The following SUV39H1 variants were observed in gnomAD, a reference collection of about 807,000 sequenced individuals.
SUV39H1 encodes the protein SUV39H1 histone lysine methyltransferase.
For synonymous variants in SUV39H1, 141 were observed against 150.5 expected (o/e 0.94, Z 0.46); for missense variants, 180 against 386.3 (o/e 0.47, Z 4.48).
In SUV39H1 at chrX:48,700,094, C is replaced by CAGG. The variant is rs1370297136; in HGVS notation, c.171_173dup (p.Glu58dup). 1 of 1,144,679 alleles carries CAGG rather than the reference C, an allele frequency of 8.7e-7. No individual in the cohort carries two copies. Among genetic ancestry groups the CAGG allele is most frequent in the African/African-American group, 1.8e-5 (1 of 55,350 alleles). 94.3% of individuals were successfully genotyped at this position (1,144,679 alleles called of 1,213,427 possible). ...TCCCCCTACCCACCCCCAACAGGAA[C>CAGG]AGGAATATTACCTGGTGAAATGGCG... is the stretch of plus-strand genomic sequence containing the variant. On this transcript the variant is annotated inframe_insertion, in exon 3 of 6. Coordinates refer to ENST00000376687, the MANE Select transcript of SUV39H1 (RefSeq NM_003173.4).
Position 48,707,674 on chromosome X carries a change from C to T in SUV39H1, c.*104C>T. On this transcript the variant is annotated 3_prime_UTR_variant, in exon 6 of 6. Transcript: ENST00000376687. ...GAATGACTGCCAGGGCCTCGCCTGC[C>T]TCCACCTGCCCCCACCTGCTCCTAC... The T allele has an allele frequency of 9.7e-7, 1 of 1,031,228 alleles. No individual in the cohort carries two copies. The highest frequency in any genetic ancestry group is 1.3e-6 in the Non-Finnish European group (1 of 745,191). 85.0% of individuals were successfully genotyped at this position (1,031,228 alleles called of 1,213,427 possible).
At position 48,700,628 on chromosome X, in the gene SUV39H1, C is replaced by T. The variant is rs1557009303; in HGVS notation, c.703C>T (p.Arg235Cys). 1.6e-6 allele frequency: 2 copies of T among 1,212,413 alleles called. No homozygotes were observed. The highest frequency in any genetic ancestry group is 1.1e-6 in the Non-Finnish European group (1 of 895,648). The change falls in exon 3 of 6, where the codon CGT (arginine) becomes TGT (cysteine). Residue 235 changes from arginine (R) to cysteine (C), a missense_variant. Arg to Cys is a radical substitution (Grantham distance 180). Coordinates refer to ENST00000376687, the MANE Select transcript of SUV39H1 (RefSeq NM_003173.4). ...RCRCGYDCPN[R>C]VVQKGIRYDL... The stretch of plus-strand genomic sequence containing the variant: ...CCGCTGCGGCTATGACTGCCCAAAT[C>T]GTGTGGTACAGAAGGGTATCCGATA...
intron 5 of SUV39H1, 139 bp downstream of exon 5, chrX:48,706,766 G>C (rs1347617280): frequency 2.2e-5 from 17 of 770,082 alleles, no homozygotes; most frequent in Non-Finnish European, 3.1e-5. Flanking sequence ...CTGACTCCCA[G>C]TCCCCCATTC....
rs1416561957 is a variant in SUV39H1 at position 48,700,143 on chromosome X, C to G, written c.218C>G (p.Thr73Ser). 1.7e-6 allele frequency: 2 copies of G among 1,197,560 alleles called. No homozygotes were observed. The highest frequency in any genetic ancestry group is 2.2e-6 in the Non-Finnish European group (2 of 889,062). ...CGTGGATATCCAGACTCAGAGAGCA[C>G]CTGGGAGCCACGGCAGAATCTCAAG... ...KWRGYPDSES[T>S]WEPRQNLKCV... The change falls in exon 3 of 6, where the codon ACC becomes AGC. Residue 73 changes from threonine to serine, a missense_variant. Thr to Ser is a moderately conservative substitution (Grantham distance 58). Transcript: ENST00000376687.
At chrX:48,706,043 C>T (rs781938449) in intron 3 of SUV39H1, among the ~76,000 whole-genome samples, 2 of 113,078 alleles carry the variant, frequency 1.8e-5, no homozygotes, top group African/African-American at 3.2e-5. Flanking sequence ...CTGCACTCAC[C>T]GCCAGGGACT....
Position 48,700,469 on chromosome X carries a change from G to A in SUV39H1, c.544G>A (p.Glu182Lys). The A allele has an allele frequency of 8.3e-7, 1 of 1,212,115 alleles. No individual in the cohort carries two copies. Among genetic ancestry groups the A allele is most frequent in the Non-Finnish European group, 1.1e-6 (1 of 895,562 alleles). Residue 182 changes from glutamate to lysine, a missense_variant, in exon 3 of 6, where the codon GAG becomes AAG. Physicochemically the swap from Glu to Lys is moderately conservative, Grantham distance 56. Coordinates refer to ENST00000376687, the MANE Select transcript of SUV39H1 (RefSeq NM_003173.4). ...CCTCAACCAGGTGGCTGTGGGCTGC[G>A]AGTGCCAGGACTGTCTGTGGGCACC... ...ITLNQVAVGC[E>K]CQDCLWAPTG... is the part of the protein sequence containing the mutation.
intron 5 of SUV39H1, 23 bp from the exon 6 acceptor site, chrX:48,707,414 C>T (rs782610873): frequency 7.3e-5 from 84 of 1,155,092 alleles, no homozygotes; most frequent in Non-Finnish European, 9.6e-5. Flanking sequence ...TCCCTCCTCT[C>T]CTCCCTGGCT....
At position 48,707,448 on chromosome X, in the gene SUV39H1, G is replaced by C; in HGVS notation, c.1117G>C (p.Asp373His). 8.3e-7 allele frequency: 1 copy of C among 1,210,399 alleles called. No homozygotes were observed. Among genetic ancestry groups the C allele is most frequent in the East Asian group, 3.0e-5 (1 of 33,790 alleles). ...CTGTGACTCCACAGTGGACCCCGTG[G>C]ACATGGAGAGCACCCGCATGGACTC... ...FDYNMQVDPV[D>H]MESTRMDSNF... Residue 373 changes from aspartate to histidine, a missense_variant, in exon 6 of 6, where the codon GAC becomes CAC. Coordinates refer to ENST00000376687, the MANE Select transcript of SUV39H1 (RefSeq NM_003173.4).
Position 48,707,545 on chromosome X carries a change from A to G in SUV39H1, c.1214A>G (p.Glu405Gly). 1 of 1,211,541 alleles carries G rather than the reference A, an allele frequency of 8.3e-7. No individual in the cohort carries two copies. The highest frequency in any genetic ancestry group is 2.2e-5 in the Admixed American group (1 of 46,017). The change falls in exon 6 of 6, where the codon GAG becomes GGG. Residue 405 changes from glutamate (E) to glycine (G), a missense_variant. Glu to Gly is a moderately conservative substitution (Grantham distance 98). Coordinates refer to ENST00000376687, the MANE Select transcript of SUV39H1 (RefSeq NM_003173.4). ...CGTATTGAATGCAAGTGTGGGACTG[A>G]GTCCTGCCGCAAATACCTCTTCTAG... is the stretch of plus-strand genomic sequence containing the variant. ...RVRIECKCGTESCRKYLF is the reference protein window; with the variant it reads ...RVRIECKCGTGSCRKYLF
chrX:48,696,533 A>G (rs1602183094), upstream of SUV39H1: 1 of 305,482 alleles, frequency 3.3e-6, no homozygotes, highest in Non-Finnish European at 5.7e-6. Context: ...GCCTCTGGCA[A>G]CTTTAGCTAC....
chrX:48,696,068 G>A (rs2062453546), upstream of SUV39H1, among the ~76,000 whole-genome samples: 1 of 113,316 alleles, frequency 8.8e-6, no homozygotes, highest in Non-Finnish European at 1.9e-5. Flanking sequence ...CCCGCCTGGG[G>A]GCATGGCTGG....
chrX:48,697,078 CGCACGCGCG>C (rs1340480659), intron 1 of SUV39H1, among the ~76,000 whole-genome samples: 4 of 109,726 alleles, frequency 3.6e-5, no homozygotes, highest in East Asian at 5.9e-4. Context: ...GACCGGCGCG[CGCACGCGCG>C]GGGGCTTGTC....
chrX:48,695,862 C>G, upstream of SUV39H1: 2 of 1,155,901 alleles, frequency 1.7e-6, no homozygotes, highest in Non-Finnish European at 2.3e-6. Flanking sequence ...ACTGGCTGAC[C>G]CACTGACAGG....
chrX:48,700,418 G>C lies in SUV39H1; in HGVS notation c.493G>C (p.Glu165Gln). The C allele has an allele frequency of 8.2e-7, 1 of 1,212,334 alleles. No individual in the cohort carries two copies. The highest frequency in any genetic ancestry group is 1.1e-6 in the Non-Finnish European group (1 of 895,608). Residue 165 changes from glutamate to glutamine, a missense_variant, in exon 3 of 6, where the codon GAG becomes CAG. Transcript: ENST00000376687. ...TCCGCGGGCCTTCGTGTACATCAATGAGTACCGTGTTGGTGAGGGCATCAC... is the reference window on the plus strand; with the variant it reads ...TCCGCGGGCCTTCGTGTACATCAATCAGTACCGTGTTGGTGAGGGCATCAC... ...GPPRAFVYINEYRVGEGITLN... is the reference protein window; with the variant it reads ...GPPRAFVYINQYRVGEGITLN...
At chrX:48,696,863 G>A in intron 1 of SUV39H1, 60 bp downstream of exon 1, 4 of 956,316 alleles carry the variant, frequency 4.2e-6, no homozygotes, top group Non-Finnish European at 4.0e-6. Flanking sequence ...CTGGAGGGGT[G>A]GCGTTGCCGG....
rs782397110 is a variant in SUV39H1 at position 48,700,744 on chromosome X, C to T, written c.819C>T (p.Tyr273=). 1.3e-5 allele frequency: 16 copies of T among 1,208,094 alleles called. No homozygotes were observed. The highest frequency in any genetic ancestry group is 6.9e-5 in the African/African-American group (4 of 57,712). Reference sequence around the variant, plus strand: ...GCAAGAACAGCTTCGTCATGGAGTACGTGGGAGAGGTAGGGAGATGGGACC... The same window carrying T: ...GCAAGAACAGCTTCGTCATGGAGTATGTGGGAGAGGTAGGGAGATGGGACC... The part of the protein sequence containing the change: ...KIRKNSFVME[Y]VGEIITSEEA... Residue 273 remains tyrosine (Y), a synonymous_variant, in exon 3 of 6, where the codon TAC becomes TAT. Coordinates refer to ENST00000376687, the MANE Select transcript of SUV39H1 (RefSeq NM_003173.4).
intron 3 of SUV39H1, among the ~76,000 whole-genome samples, chrX:48,704,658 A>C (rs1007047807): frequency 1.1e-4 from 12 of 111,710 alleles, no homozygotes; most frequent in African/African-American, 3.9e-4. Context: ...AAGCCCTTTT[A>C]TGATCTGCAA....
chrX:48,700,188 A>T lies in SUV39H1; in HGVS notation c.263A>T (p.Gln88Leu). 1 of 1,202,645 alleles carries T rather than the reference A, an allele frequency of 8.3e-7. No individual in the cohort carries two copies. The highest frequency in any genetic ancestry group is 1.1e-6 in the Non-Finnish European group (1 of 890,911). The change falls in exon 3 of 6, where the codon CAG becomes CTG. Residue 88 changes from glutamine (Q) to leucine (L), a missense_variant. Physicochemically the swap from Gln to Leu is moderately radical, Grantham distance 113. Transcript: ENST00000376687. ...QNLKCVRILK[Q>L]FHKDLERELL... ...CTCAAGTGTGTGCGTATCCTCAAGC[A>T]GTTCCACAAGGACTTAGAAAGGGAG...
chrX:48,708,729 T>G lies in SUV39H1; in HGVS notation c.*1159T>G, dbSNP rs1044086627. On this transcript the variant is annotated 3_prime_UTR_variant, in exon 6 of 6. Coordinates refer to ENST00000376687, the MANE Select transcript of SUV39H1 (RefSeq NM_003173.4). ...GTCTCAAAAGTCACCTGCCTACAAATGTACAAAAGGCGAAGGTTCTGATGG... is the reference window on the plus strand; with the variant it reads ...GTCTCAAAAGTCACCTGCCTACAAAGGTACAAAAGGCGAAGGTTCTGATGG... The G allele has an allele frequency of 2.7e-5, 3 of 111,670 alleles. No homozygotes were observed. Among genetic ancestry groups the G allele is most frequent in the Non-Finnish European group, 3.8e-5 (2 of 52,986 alleles). 9.2% of individuals were successfully genotyped at this position (111,670 alleles called of 1,213,427 possible).
Sources: gnomAD v4.1 joint callset for allele counts (sites outside exome capture counted in the v4.1 genomes callset) on GRCh38, gnomAD v4.1.1 for gene constraint, MANE v1.5 for transcripts, NCBI Gene and HGNC (gene_info 2026-07-23, HGNC 2026-07-21) for gene names.